The following FOLH1 variants were observed in gnomAD, a reference collection of about 807,000 sequenced individuals.
The protein encoded by FOLH1 is folate hydrolase 1, also known as glutamate carboxypeptidase 2.
In FOLH1, 54 loss-of-function variants were observed where a neutral mutation model predicts 93.9. The observed-to-expected ratio is 0.57, with a 90% CI of 0.46 to 0.72. The LOEUF (loss-of-function observed/expected upper bound fraction) is 0.72, where lower values mean the gene tolerates loss of function less well. Among genes scored for constraint, FOLH1 ranks in the 30% least tolerant of loss-of-function variants. FOLH1 has a pLI of 0.00. For missense variants in FOLH1, 571 were observed against 892.5 expected, an observed-to-expected ratio of 0.64 and a Z score of 4.59; for synonymous variants, 249 against 303.6, an observed-to-expected ratio of 0.82 and a Z score of 1.87.
chr11:49,163,936 G>A (rs1858066957), intron 13 of FOLH1, among the ~76,000 whole-genome samples: 1 of 152,090 alleles, frequency 6.6e-6, no homozygotes, highest in Admixed American at 6.6e-5. Context: ...GGTGGGGGAG[G>A]TTCCCTTGAC....
At position 49,208,251 on chromosome 11, in the gene FOLH1, G is replaced by C. The variant is rs1283443896; in HGVS notation, c.118+41C>G. The C allele has an allele frequency of 2.2e-6, 3 of 1,385,974 alleles. No homozygotes were observed. In the East Asian group the frequency reaches 7.5e-5, roughly 35 times the overall value. 85.9% of individuals were successfully genotyped at this position (1,385,974 alleles called of 1,614,324 possible). On this transcript the variant is annotated intron_variant, in intron 1 of 18. Transcript: ENST00000256999. ...GCGAGTCCCAGCACCGCGGCACCAC[G>C]GGGAAGACTCCGAGGTTTGCTCCGC...
chr11:49,147,101 T>C (rs989122333), intron 18 of FOLH1, among the ~76,000 whole-genome samples, 156 bp from the exon 19 acceptor site: 3 of 152,192 alleles, frequency 2.0e-5, no homozygotes, highest in Non-Finnish European at 2.9e-5. Flanking sequence ...CTGAAGACTA[T>C]TATATGAAAT....
chr11:49,152,704 A>G (rs969311828), intron 17 of FOLH1, among the ~76,000 whole-genome samples: 1 of 152,098 alleles, frequency 6.6e-6, no homozygotes, highest in African/African-American at 2.4e-5. Flanking sequence ...TTTTTGCTAG[A>G]AAATAAGTTT....
Position 49,145,303 on chromosome 11 carries a change from C to A in FOLH1, c.*1453G>T, listed in dbSNP as rs1289138748. 3.3e-5 allele frequency among the ~76,000 whole-genome samples: 5 copies of A among 152,086 alleles called. No homozygotes were observed. Among genetic ancestry groups the A allele is most frequent in the Admixed American group, 1.3e-4 (2 of 15,260 alleles). ...CTTTTCAATCTGCTTTCTGTGTGCACCCTTGGCAAACTCTGGCAATGCAAA... is the reference window on the plus strand; with the variant it reads ...CTTTTCAATCTGCTTTCTGTGTGCAACCTTGGCAAACTCTGGCAATGCAAA... On this transcript the variant is annotated 3_prime_UTR_variant, in exon 19 of 19. Coordinates refer to ENST00000256999, the MANE Select transcript of FOLH1 (RefSeq NM_004476.3).
chr11:49,188,233 G>A (rs1861635064), intron 4 of FOLH1, among the ~76,000 whole-genome samples: 2 of 152,056 alleles, frequency 1.3e-5, no homozygotes, highest in African/African-American at 4.8e-5. Context: ...TATAATTATA[G>A]GCCAGGCATG....
In FOLH1 at chr11:49,180,683, A is replaced by ACTTT. The variant is rs1218663702; in HGVS notation, c.920+2465_920+2466insAAAG. 9.2e-5 allele frequency among the ~76,000 whole-genome samples: 14 copies of ACTTT among 152,344 alleles called. No homozygotes were observed. The East Asian group carries it at 2.7e-3, about 29-fold the overall frequency. ...GCACACTCCCAAGGTACGTGTGCCA[A>ACTTT]GAGAGTAAATTTTCACAGTGAAATT... On this transcript the variant is annotated intron_variant, in intron 7 of 18. Transcript: ENST00000256999.
chr11:49,163,539 C>T (rs1163450046), intron 13 of FOLH1, among the ~76,000 whole-genome samples: 1 of 140,632 alleles, frequency 7.1e-6, no homozygotes, highest in African/African-American at 2.6e-5. Flanking sequence ...CCCAGATAGG[C>T]ACAACACTGC....
At chr11:49,153,819 A>ACAG in intron 17 of FOLH1, 27 bp downstream of exon 17, 1 of 1,487,664 alleles carries the variant, frequency 6.7e-7, no homozygotes. Flanking sequence ...ACACATACAC[A>ACAG]CATATGCACA....
intron 7 of FOLH1, among the ~76,000 whole-genome samples, chr11:49,179,546 C>T (rs1437202186): frequency 2.0e-5 from 3 of 152,066 alleles, no homozygotes; most frequent in Non-Finnish European, 2.9e-5. Flanking sequence ...TTTAAAAATG[C>T]TTTGAGATGA....
chr11:49,151,804 T>G (rs551392634), intron 17 of FOLH1, among the ~76,000 whole-genome samples: 213 of 152,238 alleles, frequency 1.4e-3, no homozygotes, highest in African/African-American at 4.8e-3. Context: ...GAGAAAACAT[T>G]TTTTCTTTTA....
chr11:49,164,348 T>G (rs932809813), intron 13 of FOLH1, among the ~76,000 whole-genome samples: 1 of 152,108 alleles, frequency 6.6e-6, no homozygotes, highest in East Asian at 1.9e-4. Flanking sequence ...TACTGAAGAG[T>G]ATAAACAAGT....
In FOLH1 at chr11:49,183,176, C is replaced by T. The variant is rs753976336; in HGVS notation, c.893G>A (p.Gly298Glu). Residue 298 changes from glycine (G) to glutamate (E), a missense_variant, in exon 7 of 19, where the codon GGA (glycine) becomes GAA (glutamate). By Grantham distance (98) the Gly-to-Glu change is moderately conservative (BLOSUM62 -2). Coordinates refer to ENST00000256999, the MANE Select transcript of FOLH1 (RefSeq NM_004476.3). ...TAGGAGCTTCTGTGCATCATAGTAT[C>T]CAATTGGATGAACAGGAATACTTGG... is the stretch of plus-strand genomic sequence containing the variant. ...GLPSIPVHPI[G>E]YYDAQKLLEK... 12 of 1,612,582 alleles carry T rather than the reference C, an allele frequency of 7.4e-6. No individual in the cohort carries two copies. Among genetic ancestry groups the T allele is most frequent in the Non-Finnish European group, 7.6e-6 (9 of 1,179,180 alleles).
At chr11:49,189,202 T>C (rs1861747976) in intron 4 of FOLH1, among the ~76,000 whole-genome samples, 1 of 152,218 alleles carries the variant, frequency 6.6e-6, no homozygotes. Flanking sequence ...GGGTAATTGA[T>C]GATCTGCAAA....
chr11:49,184,925 A>T (rs1861195249), intron 6 of FOLH1, among the ~76,000 whole-genome samples: 9 of 152,178 alleles, frequency 5.9e-5, no homozygotes, highest in Admixed American at 5.9e-4. Context: ...CTGAATTTGA[A>T]TCCAACTGCC....
intron 13 of FOLH1, among the ~76,000 whole-genome samples, chr11:49,158,294 C>A (rs1219256749): frequency 1.3e-5 from 2 of 152,104 alleles, no homozygotes; most frequent in Non-Finnish European, 2.9e-5. Flanking sequence ...ACACCAAATT[C>A]ATACCAAGCC....
intron 3 of FOLH1, among the ~76,000 whole-genome samples, chr11:49,198,442 A>C (rs899147941): frequency 1.3e-5 from 2 of 151,822 alleles, no homozygotes; most frequent in Non-Finnish European, 2.9e-5. Flanking sequence ...AGATACCGCC[A>C]CTGCACTCCA....
intron 4 of FOLH1, among the ~76,000 whole-genome samples, chr11:49,190,360 GA>G (rs138375544): frequency 0.034 from 5,117 of 152,304 alleles, 116 homozygotes; most frequent in Non-Finnish European, 0.051. Context: ...GTCACTGTTA[GA>G]AAAGAGCTTT....
chr11:49,185,618 G>C, intron 6 of FOLH1, 51 bp downstream of exon 6: 1 of 1,604,598 alleles, frequency 6.2e-7, no homozygotes. Context: ...CTTTAATAAA[G>C]TCTCTTTCAA....
At chr11:49,167,445 G>A (rs1201096870) in intron 12 of FOLH1, among the ~76,000 whole-genome samples, 3 of 152,172 alleles carry the variant, frequency 2.0e-5, no homozygotes, top group Non-Finnish European at 4.4e-5. Context: ...ACTACCCTAA[G>A]AGAAGGAGAA....
Sources: gnomAD v4.1 joint callset for allele counts (sites outside exome capture counted in the v4.1 genomes callset) on GRCh38, gnomAD v4.1.1 for gene constraint, MANE v1.5 for transcripts, NCBI Gene and HGNC (gene_info 2026-07-23, HGNC 2026-07-21) for gene names.